SPAG9: variants seen among roughly 807,000 people sequenced by gnomAD.
The protein encoded by SPAG9 is sperm associated antigen 9.
In SPAG9, 35 loss-of-function variants were observed where a neutral mutation model predicts 166.5. The observed-to-expected ratio is 0.21, with a 90% CI of 0.16 to 0.28. The LOEUF (loss-of-function observed/expected upper bound fraction) is 0.28, where lower values mean the gene tolerates loss of function less well. SPAG9 is among the 10% of genes least tolerant of loss of function. SPAG9 has a pLI of 1.00. For synonymous variants in SPAG9, 534 were observed against 565.5 expected (o/e 0.94, Z 0.79); for missense variants, 1,235 against 1,603.3 (o/e 0.77, Z 3.92).
rs543837966 is a variant in SPAG9, at chr17:50,990,296, G to A, written c.2617+154C>T. On this transcript the variant is annotated intron_variant, in intron 20 of 29. Transcript: ENST00000262013. The stretch of plus-strand genomic sequence containing the variant: ...ACCCGCCTTGGCCTCCCAGAGTGCT[G>A]GGATTACAGGCGTGAGCCACCACGC... 4.6e-5 allele frequency: 30 copies of A among 647,442 alleles called. No homozygotes were observed. The East Asian group carries it at 8.4e-4, about 18-fold the overall frequency. The allele number at this position is 647,442 out of a possible 1,614,324, so 40.1% of individuals were successfully genotyped here.
rs1027393632 is a variant in SPAG9 at position 51,079,772 on chromosome 17, T to C, written c.304-68A>G. 5 of 1,097,532 alleles carry C rather than the reference T, an allele frequency of 4.6e-6. No homozygotes were observed. In the Admixed American group the frequency reaches 1.1e-4, roughly 23 times the overall value. 68.0% of individuals were successfully genotyped at this position (1,097,532 alleles called of 1,614,324 possible). A position where few individuals can be genotyped will look rare whatever the true frequency, so the allele number is the denominator to read the frequency against. On this transcript the variant is annotated intron_variant, in intron 1 of 29. Coordinates refer to ENST00000262013, the MANE Select transcript of SPAG9 (RefSeq NM_001130528.3). ...CTTTACATTTTCAACTCCTGTTATT[T>C]CTTGGAATCAATAATCACAATTAGG...
At chr17:51,100,889 C>T (rs576136371) in intron 1 of SPAG9, among the ~76,000 whole-genome samples, 1 of 151,818 alleles carries the variant, frequency 6.6e-6, no homozygotes, top group South Asian at 2.1e-4. Flanking sequence ...CATTGTACTC[C>T]AGCCTGGGCA....
intron 1 of SPAG9, among the ~76,000 whole-genome samples, chr17:51,105,534 AACCTTT>A (rs1415559113): frequency 6.6e-6 from 1 of 152,220 alleles, no homozygotes; most frequent in African/African-American, 2.4e-5. Context: ...AGAGCAGCTT[AACCTTT>A]TCTTCTTCCC....
At chr17:51,020,495 T>G (rs539816041) in intron 7 of SPAG9, among the ~76,000 whole-genome samples, 17 of 152,304 alleles carry the variant, frequency 1.1e-4, no homozygotes, top group African/African-American at 3.6e-4. Context: ...GAACACACAG[T>G]ACAATGTATC....
intron 3 of SPAG9, among the ~76,000 whole-genome samples, chr17:51,053,857 ATATATATATATATATATATATATAT>A (rs2047268850): frequency 5.5e-5 from 2 of 36,544 alleles, no homozygotes; most frequent in Admixed American, 3.4e-4. Context: ...AAAAAAAAGT[ATATATATATATATATATATATATAT>A]ATATATATAT....
In SPAG9 at chr17:50,977,534, A is replaced by G. The variant is rs531913517; in HGVS notation, c.3410-313T>C. 9.8e-5 allele frequency among the ~76,000 whole-genome samples: 15 copies of G among 152,332 alleles called. No individual in the cohort carries two copies. In the South Asian group the frequency reaches 3.1e-3, roughly 32 times the overall value. ...AAGTACACAGGAAATAGGATACATC[A>G]GGAACTGTGACACAGGATTTACTTA... On this transcript the variant is annotated intron_variant, in intron 26 of 29. Coordinates refer to ENST00000262013, the MANE Select transcript of SPAG9 (RefSeq NM_001130528.3).
At chr17:51,104,952 T>TGGG (rs2048905839) in intron 1 of SPAG9, among the ~76,000 whole-genome samples, 1 of 67,408 alleles carries the variant, frequency 1.5e-5, no homozygotes, top group Admixed American at 2.0e-4. Context: ...AAAAATTAGC[T>TGGG]GGGTGTGGTG....
Position 51,120,617 on chromosome 17 carries a change from C to T in SPAG9, c.40G>A (p.Gly14Ser), listed in dbSNP as rs749536343. 5 of 1,611,744 alleles carry T rather than the reference C, an allele frequency of 3.1e-6. No individual in the cohort carries two copies. The highest frequency in any genetic ancestry group is 4.2e-6 in the Non-Finnish European group (5 of 1,179,208). ...TCCGACATCACGGCCCCGGAGCCGCCGGGCTCCTCCTGATACACCACACCG... is the reference window on the plus strand; with the variant it reads ...TCCGACATCACGGCCCCGGAGCCGCTGGGCTCCTCCTGATACACCACACCG... ...EDGVVYQEEP[G>S]GSGAVMSERV... Residue 14 changes from glycine to serine, a missense_variant, in exon 1 of 30, where the codon GGC (glycine) becomes AGC (serine). Coordinates refer to ENST00000262013, the MANE Select transcript of SPAG9 (RefSeq NM_001130528.3). This position sits in a 1 kb window ranked among gnomAD's most constrained non-coding sequence, Gnocchi z 4.7.
chr17:50,996,158 T>C (rs2044671214), intron 16 of SPAG9: 1 of 179,862 alleles, frequency 5.6e-6, no homozygotes, highest in Non-Finnish European at 1.2e-5. Context: ...AATTATGGAG[T>C]AGACAGATAA....
intron 25 of SPAG9, among the ~76,000 whole-genome samples, chr17:50,980,693 T>G (rs574814624): frequency 6.6e-6 from 1 of 152,006 alleles, no homozygotes; most frequent in African/African-American, 2.4e-5. Context: ...CATGGTGACA[T>G]CCCAACTCTA....
intron 19 of SPAG9, 168 bp from the exon 20 acceptor site, chr17:50,990,836 T>C: frequency 1.7e-6 from 1 of 580,790 alleles, no homozygotes; most frequent in Non-Finnish European, 3.0e-6. Context: ...TATGGGAAGG[T>C]AACTTAAAAA....
chr17:51,047,387 T>C lies in SPAG9; in HGVS notation c.578A>G (p.His193Arg). Reference protein sequence around the residue: ...SGSDQLESTAHSRIRKERPIS... With the variant: ...SGSDQLESTARSRIRKERPIS... ...TAACAAAGCTTACCTAATTCTACTA[T>C]GAGCTGTGGATTCTAGTTGATCACT... is the stretch of plus-strand genomic sequence containing the variant. The change falls in exon 4 of 30, where the codon CAT becomes CGT. Residue 193 changes from histidine to arginine, a missense_variant. This residue lies in a region of SPAG9 where 288 missense variants were observed against 323.7 expected (regional missense o/e 0.89). Coordinates refer to ENST00000262013, the MANE Select transcript of SPAG9 (RefSeq NM_001130528.3). The C allele has an allele frequency of 6.4e-7, 1 of 1,561,558 alleles. No individual in the cohort carries two copies. Among genetic ancestry groups the C allele is most frequent in the Non-Finnish European group, 8.7e-7 (1 of 1,144,142 alleles).
At chr17:50,976,803 T>C (rs945446193) in intron 27 of SPAG9, 2 of 229,924 alleles carry the variant, frequency 8.7e-6, no homozygotes, top group African/African-American at 2.3e-5. Context: ...GTAGTGTTTT[T>C]GGATAATGGT....
At chr17:50,990,716 A>AC (rs745726538) in intron 19 of SPAG9, 48 bp from the exon 20 acceptor site, 11 of 1,490,146 alleles carry the variant, frequency 7.4e-6, no homozygotes, top group Non-Finnish European at 1.0e-5. Context: ...TCTATAAATA[A>AC]CATTTTTTTT....
At chr17:51,103,843 T>C (rs2048870206) in intron 1 of SPAG9, among the ~76,000 whole-genome samples, 2 of 152,192 alleles carry the variant, frequency 1.3e-5, no homozygotes, top group African/African-American at 4.8e-5. Flanking sequence ...TAGTTTCAGT[T>C]GTCCATTCAT....
chr17:51,109,707 C>CT (rs957134325), intron 1 of SPAG9, among the ~76,000 whole-genome samples: 1 of 151,738 alleles, frequency 6.6e-6, no homozygotes, highest in Non-Finnish European at 1.5e-5. Flanking sequence ...TACAAAGGTT[C>CT]TTTTTTTTCT....
intron 2 of SPAG9, among the ~76,000 whole-genome samples, chr17:51,066,553 T>C (rs2047671516): frequency 8.9e-5 from 2 of 22,414 alleles, no homozygotes; most frequent in African/African-American, 5.8e-4. Context: ...AGACTCTGTC[T>C]CAAAAAAAAA....
At chr17:50,969,067 G>C (rs965799402) in intron 29 of SPAG9, among the ~76,000 whole-genome samples, 1 of 151,854 alleles carries the variant, frequency 6.6e-6, no homozygotes, top group African/African-American at 2.4e-5. Flanking sequence ...TGAATAGCTG[G>C]GATTACAGGT....
intron 1 of SPAG9, among the ~76,000 whole-genome samples, chr17:51,102,542 C>T (rs1247500027): frequency 2.6e-5 from 4 of 151,382 alleles, no homozygotes; most frequent in Admixed American, 2.0e-4. Context: ...CGCTCTGTCA[C>T]CCAAGGCTGC....
Sources: gnomAD v4.1 joint callset for allele counts (sites outside exome capture counted in the v4.1 genomes callset) on GRCh38, gnomAD v4.1.1 for gene constraint, gnomAD v4.1.1 regional missense constraint, Gnocchi (gnomAD v3.1) non-coding constraint, MANE v1.5 for transcripts, NCBI Gene and HGNC (gene_info 2026-07-23, HGNC 2026-07-21) for gene names.